The following PDE1C variants were observed in gnomAD, a reference collection of about 807,000 sequenced individuals.
The protein encoded by PDE1C is dual specificity calcium/calmodulin-dependent 3',5'-cyclic nucleotide phosphodiesterase 1C.
Under a neutral mutation model 93.1 loss-of-function variants are expected in PDE1C, and 62 were observed. The ratio of observed to expected loss-of-function variants is 0.67; its 90% CI spans 0.54 to 0.82. The LOEUF is 0.82. Ranked by LOEUF, PDE1C falls within the 40% of genes least tolerant of loss-of-function variation. PDE1C has a pLI of 0.00. For missense variants in PDE1C, 742 were observed against 884.6 expected (o/e 0.84, Z 2.04); for synonymous variants, 325 against 310.1 (o/e 1.05, Z -0.50).
chr7:32,274,120 A>G (rs551961397), intron 1 of PDE1C, among the ~76,000 whole-genome samples: 1 of 152,256 alleles, frequency 6.6e-6, no homozygotes, highest in South Asian at 2.1e-4. Context: ...CCTCTCAAAC[A>G]TTTTTAGCAG....
intron 8 of PDE1C, among the ~76,000 whole-genome samples, chr7:31,849,845 T>C (rs998042829): frequency 6.6e-6 from 1 of 152,126 alleles, no homozygotes; most frequent in East Asian, 1.9e-4. Context: ...GTTCTTAGGC[T>C]AGGAGAGGGC....
the PDE1C span, among the ~76,000 whole-genome samples, chr7:31,629,933 A>G: frequency 4.6e-5 from 7 of 152,230 alleles, no homozygotes; most frequent in East Asian, 3.8e-4. Context: ...GAATTGTAAA[A>G]TATACAAACA....
At chr7:31,955,275 C>G (rs776812742) in intron 2 of PDE1C, among the ~76,000 whole-genome samples, 102 of 152,178 alleles carry the variant, frequency 6.7e-4, no homozygotes, top group Non-Finnish European at 1.0e-3. Flanking sequence ...TATGATTAAT[C>G]ACACTGATAT....
the PDE1C span, among the ~76,000 whole-genome samples, chr7:31,664,359 T>C: frequency 6.6e-6 from 1 of 152,164 alleles, no homozygotes; most frequent in Non-Finnish European, 1.5e-5. Context: ...TTAAAGGAAG[T>C]GGAAACAGGT....
intron 2 of PDE1C, among the ~76,000 whole-genome samples, chr7:31,938,533 T>C (rs767367303): frequency 1.6e-4 from 24 of 152,140 alleles, no homozygotes; most frequent in Non-Finnish European, 2.6e-4. Flanking sequence ...TACTTTCCTT[T>C]TAATCATGTA....
chr7:32,236,351 T>C (rs549273425), intron 1 of PDE1C, among the ~76,000 whole-genome samples: 2 of 152,196 alleles, frequency 1.3e-5, no homozygotes, highest in South Asian at 2.1e-4. Context: ...AATAAACTGT[T>C]AACAGGATGA....
At chr7:31,808,462 A>G (rs1787127904) in intron 16 of PDE1C, among the ~76,000 whole-genome samples, 1 of 151,994 alleles carries the variant, frequency 6.6e-6, no homozygotes, top group Non-Finnish European at 1.5e-5. Flanking sequence ...AAACAGTAAA[A>G]TGTTGTTAAT....
intron 2 of PDE1C, among the ~76,000 whole-genome samples, chr7:31,940,443 C>A (rs1003599403): frequency 1.3e-5 from 2 of 152,144 alleles, no homozygotes; most frequent in Non-Finnish European, 2.9e-5. Flanking sequence ...ATGATTCATC[C>A]TCTTTTAGGC....
chr7:32,095,555 G>A (rs1476589787), intron 3 of PDE1C, among the ~76,000 whole-genome samples: 2 of 152,174 alleles, frequency 1.3e-5, no homozygotes, highest in African/African-American at 4.8e-5. Flanking sequence ...CTGGGCCAAG[G>A]GAATGCCAAG....
At chr7:32,358,615 G>A (rs755162950) in intron 1 of PDE1C, among the ~76,000 whole-genome samples, 4 of 152,182 alleles carry the variant, frequency 2.6e-5, no homozygotes, top group Non-Finnish European at 5.9e-5. Flanking sequence ...GAGTCAGGAA[G>A]AGAGCTGGGC....
the PDE1C span, chr7:31,656,210 A>T: frequency 4.8e-6 from 1 of 210,214 alleles, no homozygotes; most frequent in Non-Finnish European, 8.3e-6. Flanking sequence ...TAGTAAACTT[A>T]AAGCTATTTG....
At chr7:32,345,898 C>T (rs771996045) in intron 1 of PDE1C, among the ~76,000 whole-genome samples, 2 of 152,114 alleles carry the variant, frequency 1.3e-5, no homozygotes, top group East Asian at 3.9e-4. Context: ...AGTGGAAATG[C>T]AAAATGGTAT....
intron 1 of PDE1C, among the ~76,000 whole-genome samples, chr7:32,347,297 T>C (rs556781165): frequency 2.6e-5 from 4 of 152,180 alleles, no homozygotes; most frequent in African/African-American, 4.8e-5. Flanking sequence ...ATCTGAGTAG[T>C]ACATGGTATT....
the PDE1C span, among the ~76,000 whole-genome samples, chr7:31,735,267 G>A: frequency 6.6e-6 from 1 of 152,044 alleles, no homozygotes; most frequent in Non-Finnish European, 1.5e-5. Context: ...GCATGGTGGT[G>A]CATGCCTGTA....
At chr7:31,881,803 T>G (rs1797284591) in intron 2 of PDE1C, among the ~76,000 whole-genome samples, 1 of 151,976 alleles carries the variant, frequency 6.6e-6, no homozygotes, top group Non-Finnish European at 1.5e-5. Context: ...ACCTAAAGAT[T>G]AAATGAAATT....
At chr7:32,157,085 G>A (rs1295462444) in intron 3 of PDE1C, among the ~76,000 whole-genome samples, 1 of 152,122 alleles carries the variant, frequency 6.6e-6, no homozygotes, top group East Asian at 1.9e-4. Context: ...CCAAATTGAG[G>A]AACATTCTGC....
chr7:31,967,113 G>A (rs2129042897), intron 2 of PDE1C, among the ~76,000 whole-genome samples: 2 of 152,238 alleles, frequency 1.3e-5, no homozygotes, highest in East Asian at 3.9e-4. Flanking sequence ...TAAGATCAGA[G>A]CAGAACTGAA....
At chr7:32,347,186 C>T (rs1387872912) in intron 1 of PDE1C, among the ~76,000 whole-genome samples, 1 of 151,762 alleles carries the variant, frequency 6.6e-6, no homozygotes, top group African/African-American at 2.4e-5. Flanking sequence ...CATAGGAAAC[C>T]CCTCAGTCTA....
intron 7 of PDE1C, among the ~76,000 whole-genome samples, chr7:31,864,278 C>A (rs1000457526): frequency 6.6e-6 from 1 of 152,178 alleles, no homozygotes; most frequent in African/African-American, 2.4e-5. Flanking sequence ...ACCACTTGAG[C>A]CCAGGAGTTC....
Sources: gnomAD v4.1 joint callset for allele counts (sites outside exome capture counted in the v4.1 genomes callset) on GRCh38, gnomAD v4.1.1 for gene constraint, MANE v1.5 for transcripts, NCBI Gene and HGNC (gene_info 2026-07-23, HGNC 2026-07-21) for gene names.